Variants in PARD3B observed in about 807,000 individuals in gnomAD.
PARD3B encodes partitioning defective 3 homolog B.
In PARD3B, 103 loss-of-function variants were observed where a neutral mutation model predicts 130.2. The observed-to-expected ratio is 0.79, with a 90% CI of 0.67 to 0.93. The LOEUF (loss-of-function observed/expected upper bound fraction) is 0.93. Among genes scored for constraint, PARD3B ranks in the 40% least tolerant of loss-of-function variants. The pLI is 0.00. For missense variants in PARD3B, 1,609 were observed against 1,499.2 expected (o/e 1.07, Z -1.21); for synonymous variants, 583 against 553.2 (o/e 1.05, Z -0.76).
intron 1 of PARD3B, among the ~76,000 whole-genome samples, chr2:204,632,789 G>T (rs1006291819): frequency 1.3e-5 from 2 of 152,146 alleles, no homozygotes; most frequent in African/African-American, 4.8e-5. Context: ...TCATTCCTGG[G>T]TGGGCCATCA....
intron 18 of PARD3B, among the ~76,000 whole-genome samples, chr2:205,322,732 A>G (rs1378045486): frequency 1.3e-5 from 2 of 152,058 alleles, no homozygotes; most frequent in Non-Finnish European, 2.9e-5. Flanking sequence ...AATTAGATAG[A>G]GCTGCTGAAA....
chr2:204,570,713 G>A (rs1418059153), intron 1 of PARD3B, among the ~76,000 whole-genome samples: 2 of 150,520 alleles, frequency 1.3e-5, no homozygotes, highest in Non-Finnish European at 3.0e-5. Context: ...TAACTGAGGT[G>A]TATAAGCTGT....
intron 3 of PARD3B, among the ~76,000 whole-genome samples, chr2:204,971,743 G>A (rs1324057006): frequency 6.6e-6 from 1 of 151,486 alleles, no homozygotes; most frequent in Middle Eastern, 3.2e-3. Flanking sequence ...CTTGCTTTCT[G>A]GTGTGACTAT....
chr2:205,531,614 A>G (rs2051598081), intron 21 of PARD3B, among the ~76,000 whole-genome samples: 1 of 152,084 alleles, frequency 6.6e-6, no homozygotes, highest in African/African-American at 2.4e-5. Flanking sequence ...CTTGCATGTT[A>G]TTGTCATTGA....
rs1057215147 is a variant in PARD3B at position 205,268,591 on chromosome 2, T to C, written c.2185+22769T>C. On this transcript the variant is annotated intron_variant, in intron 16 of 22. Coordinates refer to ENST00000406610, the MANE Select transcript of PARD3B (RefSeq NM_001302769.2). The surrounding 1 kb of genome is among the most constrained non-coding windows in gnomAD (Gnocchi z 4.1). Reference sequence around the variant, plus strand: ...CAGGTGGAAAGTGCTCTAATGCCACTAGTATTAGGAGGCGGTAATTTGCAG... The same window carrying C: ...CAGGTGGAAAGTGCTCTAATGCCACCAGTATTAGGAGGCGGTAATTTGCAG... Among the ~76,000 whole-genome samples, 1 of 152,158 alleles carries C rather than the reference T, an allele frequency of 6.6e-6. No homozygotes were observed. Among genetic ancestry groups the C allele is most frequent in the Non-Finnish European group, 1.5e-5 (1 of 68,014 alleles).
At chr2:204,608,437 C>T (rs538205070) in intron 1 of PARD3B, among the ~76,000 whole-genome samples, 61 of 152,224 alleles carry the variant, frequency 4.0e-4, no homozygotes, top group African/African-American at 1.2e-3. Context: ...GGGGAGGACA[C>T]GGAATAAAGC....
intron 3 of PARD3B, among the ~76,000 whole-genome samples, chr2:204,980,411 G>A (rs1692561440): frequency 6.6e-6 from 1 of 152,136 alleles, no homozygotes; most frequent in Non-Finnish European, 1.5e-5. Flanking sequence ...AATCTTTCTA[G>A]TAGAATTCCA....
chr2:205,101,707 A>G (rs1033430901), intron 4 of PARD3B, among the ~76,000 whole-genome samples: 38 of 152,232 alleles, frequency 2.5e-4, no homozygotes, highest in Admixed American at 2.5e-3. Context: ...CATAAAATGG[A>G]GTAAAATACT....
chr2:205,090,186 A>T (rs1461904433), intron 4 of PARD3B, among the ~76,000 whole-genome samples: 1 of 152,220 alleles, frequency 6.6e-6, no homozygotes, highest in Admixed American at 6.5e-5. Flanking sequence ...TGCCTCACTA[A>T]TTAGATATGG....
In PARD3B at chr2:205,105,492, A is replaced by G. The variant is rs1015439786; in HGVS notation, c.593+978A>G. Among the ~76,000 whole-genome samples the G allele has an allele frequency of 6.6e-6, 1 of 152,210 alleles. No individual in the cohort carries two copies. The highest frequency in any genetic ancestry group is 1.5e-5 in the Non-Finnish European group (1 of 68,044). ...GTATTCCTTTCATTTAGTCCAAACAATTAACATGAAATTAGCTTTTTAAAA... is the reference window on the plus strand; with the variant it reads ...GTATTCCTTTCATTTAGTCCAAACAGTTAACATGAAATTAGCTTTTTAAAA... On this transcript the variant is annotated intron_variant, in intron 5 of 22. Coordinates refer to ENST00000406610, the MANE Select transcript of PARD3B (RefSeq NM_001302769.2). The surrounding 1 kb of genome is among the most constrained non-coding windows in gnomAD (Gnocchi z 4.0).
chr2:205,165,589 G>A (rs774824431), intron 11 of PARD3B, among the ~76,000 whole-genome samples: 46 of 151,868 alleles, frequency 3.0e-4, no homozygotes, highest in South Asian at 1.0e-3. Flanking sequence ...ATGATGGTAC[G>A]CACCTGTAAT....
chr2:205,571,051 A>G (rs1217242580), intron 22 of PARD3B, among the ~76,000 whole-genome samples: 1 of 152,232 alleles, frequency 6.6e-6, no homozygotes, highest in Non-Finnish European at 1.5e-5. Flanking sequence ...TTCGTCTGCC[A>G]CTAGCAACAG....
chr2:205,333,201 C>T (rs1306130139), intron 18 of PARD3B, among the ~76,000 whole-genome samples: 2 of 152,152 alleles, frequency 1.3e-5, no homozygotes, highest in African/African-American at 4.8e-5. Context: ...GGGAAATACT[C>T]TATACGTACA....
At chr2:205,054,056 A>T (rs995799546) in intron 4 of PARD3B, among the ~76,000 whole-genome samples, 1 of 152,022 alleles carries the variant, frequency 6.6e-6, no homozygotes, top group African/African-American at 2.4e-5. Context: ...CTGCCATCCG[A>T]TATTTCATGG....
At chr2:205,153,666 C>G (rs1346609647) in intron 10 of PARD3B, among the ~76,000 whole-genome samples, 1 of 151,884 alleles carries the variant, frequency 6.6e-6, no homozygotes, top group East Asian at 1.9e-4. Context: ...CTACAGTAAC[C>G]AAAACAGCAT....
chr2:204,705,332 A>C (rs986775184), intron 2 of PARD3B, among the ~76,000 whole-genome samples: 3 of 152,286 alleles, frequency 2.0e-5, no homozygotes, highest in African/African-American at 7.2e-5. Flanking sequence ...TAATATAGCA[A>C]GTAATGCTTG....
rs531064903 is a variant in PARD3B, at chr2:204,785,894, A to G, written c.222+99612A>G. Among the ~76,000 whole-genome samples the G allele has an allele frequency of 1.5e-3, 224 of 152,190 alleles. 1 individual carries two copies. Among genetic ancestry groups the G allele is most frequent in the African/African-American group, 5.0e-3 (206 of 41,528 alleles). ...TTTGGGAGGCCAAGGCAGGAGAATC[A>G]TGAGGTCAGGAGTTTGAGGCCAGCC... On this transcript the variant is annotated intron_variant, in intron 2 of 22. Coordinates refer to ENST00000406610, the MANE Select transcript of PARD3B (RefSeq NM_001302769.2).
At chr2:205,117,327 G>A (rs1356792925) in intron 6 of PARD3B, among the ~76,000 whole-genome samples, 1 of 152,174 alleles carries the variant, frequency 6.6e-6, no homozygotes, top group Non-Finnish European at 1.5e-5. Flanking sequence ...GCACACTTGT[G>A]CCTATGACCC....
intron 2 of PARD3B, among the ~76,000 whole-genome samples, chr2:204,922,358 G>A (rs566543688): frequency 6.6e-6 from 1 of 152,170 alleles, no homozygotes; most frequent in African/African-American, 2.4e-5. Context: ...GTACAGAAAA[G>A]GGAAGGATTG....
Sources: allele counts gnomAD v4.1 joint callset (sites outside exome capture counted in the v4.1 genomes callset), GRCh38; gene constraint gnomAD v4.1.1; non-coding constraint Gnocchi (gnomAD v3.1); transcripts MANE v1.5; gene names NCBI Gene and HGNC (gene_info 2026-07-23, HGNC 2026-07-21).